The following SCIN variants were observed in gnomAD, a reference collection of about 807,000 sequenced individuals.
SCIN encodes scinderin.
In SCIN, 91 loss-of-function variants were observed where a neutral mutation model predicts 91.8. The ratio of observed to expected loss-of-function variants is 0.99; its 90% CI spans 0.84 to 1.18. The LOEUF (loss-of-function observed/expected upper bound fraction) is 1.18. Ranked by LOEUF, SCIN falls within the 50% of genes most tolerant of loss-of-function variation. The probability of loss-of-function intolerance (pLI) is 0.00; values close to 1 mark genes in which losing one functional copy is unlikely to be tolerated. For synonymous variants in SCIN, 367 were observed against 312.6 expected, an observed-to-expected ratio of 1.17 and a Z score of -1.84; for missense variants, 1,087 against 863.9, an observed-to-expected ratio of 1.26 and a Z score of -3.24.
intron 4 of SCIN, among the ~76,000 whole-genome samples, chr7:12,614,044 T>C (rs1460660220): frequency 6.6e-6 from 1 of 152,216 alleles, no homozygotes; most frequent in Non-Finnish European, 1.5e-5. Context: ...ATCTTAACGA[T>C]GTCTGATAGA....
At chr7:12,609,924 T>A (rs1273840114) in intron 4 of SCIN, among the ~76,000 whole-genome samples, 1 of 152,176 alleles carries the variant, frequency 6.6e-6, no homozygotes, top group African/African-American at 2.4e-5. Context: ...TTAATAACTG[T>A]TTATCAAGTG....
intron 3 of SCIN, among the ~76,000 whole-genome samples, chr7:12,584,856 T>C (rs1218262167): frequency 6.6e-6 from 1 of 152,202 alleles, no homozygotes; most frequent in East Asian, 1.9e-4. Flanking sequence ...AGAATGTGAA[T>C]GATAGTGGAA....
At chr7:12,642,882 C>A (rs1272209912) in intron 11 of SCIN, among the ~76,000 whole-genome samples, 1 of 152,042 alleles carries the variant, frequency 6.6e-6, no homozygotes, top group Non-Finnish European at 1.5e-5. Flanking sequence ...GGCCTTGGCC[C>A]CTTCACTGTG....
At chr7:12,599,317 G>A (rs1782907867) in intron 3 of SCIN, among the ~76,000 whole-genome samples, 1 of 151,972 alleles carries the variant, frequency 6.6e-6, no homozygotes, top group Non-Finnish European at 1.5e-5. Context: ...AAATATCATG[G>A]AATAAGATAG....
rs973282142 is a variant in SCIN, at chr7:12,653,537, CTAAG to C, written c.*824_*827del. 4 of 152,130 alleles carry C rather than the reference CTAAG, an allele frequency of 2.6e-5. No individual in the cohort carries two copies. Among genetic ancestry groups the C allele is most frequent in the Non-Finnish European group, 5.9e-5 (4 of 68,024 alleles). 9.4% of individuals were successfully genotyped at this position (152,130 alleles called of 1,614,324 possible). A position where few individuals can be genotyped will look rare whatever the true frequency, so the allele number is the denominator to read the frequency against. On this transcript the variant is annotated 3_prime_UTR_variant, in exon 16 of 16. Transcript: ENST00000297029. This position sits in a 1 kb window ranked among gnomAD's most constrained non-coding sequence, Gnocchi z 4.1. ...AATATGACTTTGATGTCATTAACTG[CTAAG>C]TGTTATTTTCTAAGAGGAATTTTAT...
intron 11 of SCIN, among the ~76,000 whole-genome samples, chr7:12,643,323 G>A (rs190643339): frequency 1.3e-3 from 205 of 152,198 alleles, no homozygotes; most frequent in Non-Finnish European, 1.4e-3. Context: ...CACCAGTCTG[G>A]GCACAGGTCT....
At chr7:12,645,687 C>G (rs1783952221) in intron 13 of SCIN, among the ~76,000 whole-genome samples, 1 of 152,116 alleles carries the variant, frequency 6.6e-6, no homozygotes, top group African/African-American at 2.4e-5. Flanking sequence ...TTGTTCCTCT[C>G]TATGTGTCCG....
chr7:12,589,251 C>G (rs1355129316), intron 3 of SCIN, among the ~76,000 whole-genome samples: 1 of 142,102 alleles, frequency 7.0e-6, no homozygotes, highest in African/African-American at 2.7e-5. Context: ...GAGTCTTGCT[C>G]TGTCGCCCAG....
Position 12,580,984 on chromosome 7 carries a change from G to A in SCIN, c.355-76G>A, listed in dbSNP as rs1782475625. 7 of 1,442,036 alleles carry A rather than the reference G, an allele frequency of 4.9e-6. No individual in the cohort carries two copies. The Admixed American group carries it at 1.5e-4, about 32-fold the overall frequency. The allele number at this position is 1,442,036 out of a possible 1,614,324, so 89.3% of individuals were successfully genotyped here. On this transcript the variant is annotated intron_variant, in intron 2 of 15. Transcript: ENST00000297029. ...GCACAAACACCAGCAGTATTATTGT[G>A]CTTTGCTTTGTCTAGGCAGACACCT...
chr7:12,582,406 T>A (rs1449930614), intron 3 of SCIN, among the ~76,000 whole-genome samples: 2 of 152,198 alleles, frequency 1.3e-5, no homozygotes, highest in East Asian at 3.8e-4. Flanking sequence ...TATACATTGT[T>A]TAGAAAATGA....
intron 2 of SCIN, among the ~76,000 whole-genome samples, chr7:12,578,556 T>C (rs1283413326): frequency 6.6e-6 from 1 of 152,198 alleles, no homozygotes; most frequent in African/African-American, 2.4e-5. Flanking sequence ...AATTTGGGTC[T>C]TAAAAGTTTT....
chr7:12,628,032 C>CGT lies in SCIN; in HGVS notation c.1198-1036_1198-1035dup, dbSNP rs59555647. The stretch of plus-strand genomic sequence containing the variant: ...CTGAGAACTTAGGCAAGTGTGCGCG[C>CGT]GTGTGTGTGTGTGTGTGTGTGTGTG... On this transcript the variant is annotated intron_variant, in intron 8 of 15. Coordinates refer to ENST00000297029, the MANE Select transcript of SCIN (RefSeq NM_001112706.3). Among the ~76,000 whole-genome samples, 1,356 of 146,380 alleles carry CGT rather than the reference C, an allele frequency of 9.3e-3. 12 individuals carry two copies. Among genetic ancestry groups the CGT allele is most frequent in the African/African-American group, 0.023 (910 of 39,000 alleles).
intron 9 of SCIN, among the ~76,000 whole-genome samples, chr7:12,632,945 G>T (rs1783676766): frequency 6.6e-6 from 1 of 152,072 alleles, no homozygotes; most frequent in South Asian, 2.1e-4. Flanking sequence ...CAGAGTCCTT[G>T]TGAGTCTTCA....
rs1173033997 is a variant in SCIN at position 12,581,228 on chromosome 7, T to A, written c.516+7T>A. 6.4e-7 allele frequency: 1 copy of A among 1,550,952 alleles called. No homozygotes were observed. The highest frequency in any genetic ancestry group is 1.2e-5 in the South Asian group (1 of 84,014). ...CATCATTGACCTTGGCACCGTAAGT[T>A]TCATATATACACATCGATGTCTAAA... On this transcript the variant is annotated splice_region_variant and intron_variant, in intron 3 of 15. Coordinates refer to ENST00000297029, the MANE Select transcript of SCIN (RefSeq NM_001112706.3).
At chr7:12,628,183 A>G (rs774863754) in intron 8 of SCIN, among the ~76,000 whole-genome samples, 4 of 152,096 alleles carry the variant, frequency 2.6e-5, no homozygotes, top group Non-Finnish European at 4.4e-5. Context: ...GCTGAAGATG[A>G]GGAGGCAGAA....
rs200882663 is a variant in SCIN, at chr7:12,655,718, AT to A, written c.*3004del. 1.4e-4 allele frequency: 22 copies of A among 152,346 alleles called. No homozygotes were observed. The East Asian group carries it at 2.3e-3, about 16-fold the overall frequency. The allele number at this position is 152,346 out of a possible 1,614,324, so 9.4% of individuals were successfully genotyped here. On this transcript the variant is annotated 3_prime_UTR_variant, in exon 16 of 16. Coordinates refer to ENST00000297029, the MANE Select transcript of SCIN (RefSeq NM_001112706.3). ...TTACTTTTGTAAACATACACAAAAA[AT>A]ATTATATATTTGCCAAACGTATGTA...
intron 2 of SCIN, 115 bp from the exon 3 acceptor site, chr7:12,580,945 C>T: frequency 9.6e-7 from 1 of 1,039,732 alleles, no homozygotes; most frequent in East Asian, 2.6e-5. Flanking sequence ...CTTGGCCTGA[C>T]AGGTACAGTT....
At chr7:12,624,584 T>A (rs1783473689) in intron 5 of SCIN, among the ~76,000 whole-genome samples, 1 of 152,212 alleles carries the variant, frequency 6.6e-6, no homozygotes, top group African/African-American at 2.4e-5. Flanking sequence ...GTAATGATTT[T>A]AAGATTATTA....
At position 12,577,855 on chromosome 7, in the gene SCIN, C is replaced by CAA. The variant is rs5882366; in HGVS notation, c.200-196_200-195dup. 1.4e-3 allele frequency: 581 copies of CAA among 402,388 alleles called. 4 individuals are homozygous for CAA. The highest frequency in any genetic ancestry group is 9.4e-3 in the African/African-American group (426 of 45,360). The allele number at this position is 402,388 out of a possible 1,614,324, so 24.9% of individuals were successfully genotyped here. ...TTAGCAACAGAGCAACACCCTCTCTCAAAAAAAAAAAAAATAGACTAAAAA... is the reference window on the plus strand; with the variant it reads ...TTAGCAACAGAGCAACACCCTCTCTCAAAAAAAAAAAAAAAATAGACTAAAAA... On this transcript the variant is annotated intron_variant, in intron 1 of 15. Coordinates refer to ENST00000297029, the MANE Select transcript of SCIN (RefSeq NM_001112706.3).
Sources: allele counts gnomAD v4.1 joint callset (sites outside exome capture counted in the v4.1 genomes callset), GRCh38; gene constraint gnomAD v4.1.1; non-coding constraint Gnocchi (gnomAD v3.1); transcripts MANE v1.5; gene names NCBI Gene and HGNC (gene_info 2026-07-23, HGNC 2026-07-21).